ATP6V0D2: variants seen among roughly 807,000 people sequenced by gnomAD.
The protein encoded by ATP6V0D2 is ATPase H+ transporting V0 subunit d2.
ATP6V0D2 carries 40 observed loss-of-function variants against 40.0 expected under a neutral mutation model. That is an observed-to-expected ratio of 1.00 (90% CI 0.78 to 1.30). The LOEUF is 1.30. Ranked by LOEUF, ATP6V0D2 falls within the 50% of genes most tolerant of loss-of-function variation. The pLI is 0.00. For missense variants in ATP6V0D2, 470 were observed against 423.1 expected, an observed-to-expected ratio of 1.11 and a Z score of -0.97; for synonymous variants, 179 against 156.3, an observed-to-expected ratio of 1.15 and a Z score of -1.08.
intron 5 of ATP6V0D2, among the ~76,000 whole-genome samples, chr8:86,143,306 ACC>A (rs1819002742): frequency 6.6e-6 from 1 of 152,194 alleles, no homozygotes; most frequent in South Asian, 2.1e-4. Context: ...CCCAATCCAG[ACC>A]CCAAGAGAGG....
At chr8:86,142,532 C>A (rs1444618160) in intron 4 of ATP6V0D2, among the ~76,000 whole-genome samples, 1 of 152,150 alleles carries the variant, frequency 6.6e-6, no homozygotes, top group Non-Finnish European at 1.5e-5. Context: ...CAGCATAGGG[C>A]TAAATCTAAA....
At chr8:86,149,422 G>T (rs528254173) in intron 5 of ATP6V0D2, among the ~76,000 whole-genome samples, 5 of 152,124 alleles carry the variant, frequency 3.3e-5, no homozygotes, top group African/African-American at 4.8e-5. Flanking sequence ...GAGAAGACAG[G>T]CCGTGAGTAT....
intron 5 of ATP6V0D2, among the ~76,000 whole-genome samples, chr8:86,145,237 G>GAAAGAAAGAAAGAA (rs1563566137): frequency 8.3e-4 from 35 of 42,376 alleles, no homozygotes; most frequent in Non-Finnish European, 1.0e-3. Flanking sequence ...GAAAGAAAGA[G>GAAAGAAAGAAAGAA]AGAGAGAGAG....
intron 2 of ATP6V0D2, among the ~76,000 whole-genome samples, chr8:86,136,683 G>A (rs1345939089): frequency 6.6e-6 from 1 of 151,996 alleles, no homozygotes; most frequent in Admixed American, 6.6e-5. Flanking sequence ...AGAATTTTTG[G>A]GGTTAAGCTC....
chr8:86,147,828 G>A lies in ATP6V0D2; in HGVS notation c.640-2284G>A, dbSNP rs571249913. 1.4e-4 allele frequency among the ~76,000 whole-genome samples: 22 copies of A among 152,242 alleles called. No homozygotes were observed. The South Asian group carries it at 4.2e-3, about 29-fold the overall frequency. ...GAGTTATGGAACAGAGCACATGCAC[G>A]GTAGGCTAAGGGAAGAAGTGGTTAC... On this transcript the variant is annotated intron_variant, in intron 5 of 7. Coordinates refer to ENST00000285393, the MANE Select transcript of ATP6V0D2 (RefSeq NM_152565.1).
chr8:86,102,670 T>C (rs1052661066), intron 1 of ATP6V0D2, among the ~76,000 whole-genome samples: 1 of 152,220 alleles, frequency 6.6e-6, no homozygotes, highest in Admixed American at 6.5e-5. Context: ...TTCATAATTG[T>C]GCTTAATTGT....
intron 2 of ATP6V0D2, among the ~76,000 whole-genome samples, chr8:86,136,331 C>G (rs1324421944): frequency 2.0e-5 from 3 of 152,162 alleles, no homozygotes; most frequent in African/African-American, 7.2e-5. Context: ...ACCATTGACG[C>G]TGGTCGCCCG....
intron 5 of ATP6V0D2, among the ~76,000 whole-genome samples, chr8:86,148,583 T>C (rs769625600): frequency 2.0e-5 from 3 of 152,130 alleles, no homozygotes; most frequent in African/African-American, 4.8e-5. Context: ...TTGAGTAGGG[T>C]TGGACTGCGG....
At chr8:86,145,909 T>A (rs938063331) in intron 5 of ATP6V0D2, among the ~76,000 whole-genome samples, 2 of 152,228 alleles carry the variant, frequency 1.3e-5, no homozygotes, top group African/African-American at 4.8e-5. Flanking sequence ...TTTACATACA[T>A]GAATTCACTT....
At position 86,139,582 on chromosome 8, in the gene ATP6V0D2, T is replaced by C; in HGVS notation, c.428T>C (p.Ile143Thr). ...TTCACAGAAATGGAAGCTGTCAACA[T>C]TGCAGAGACACCTTCAGATCTCTTT... ...GRFTEMEAVN[I>T]AETPSDLFNA... Residue 143 changes from isoleucine to threonine, a missense_variant, in exon 3 of 8, where the codon ATT (isoleucine) becomes ACT (threonine). Physicochemically the swap from Ile to Thr is moderately conservative, Grantham distance 89. Transcript: ENST00000285393. 1 of 1,613,564 alleles carries C rather than the reference T, an allele frequency of 6.2e-7. No homozygotes were observed. The highest frequency in any genetic ancestry group is 8.5e-7 in the Non-Finnish European group (1 of 1,179,766).
At chr8:86,134,660 G>A (rs1818874192) in intron 2 of ATP6V0D2, among the ~76,000 whole-genome samples, 1 of 152,124 alleles carries the variant, frequency 6.6e-6, no homozygotes, top group African/African-American at 2.4e-5. Flanking sequence ...CTCAGCAACT[G>A]CACTTCAGGG....
intron 5 of ATP6V0D2, among the ~76,000 whole-genome samples, chr8:86,144,584 T>G (rs1379205502): frequency 5.9e-5 from 9 of 152,218 alleles, no homozygotes; most frequent in African/African-American, 2.2e-4. Context: ...TTTACTTGGT[T>G]GATGACTTCT....
At chr8:86,136,962 C>G (rs939430941) in intron 2 of ATP6V0D2, among the ~76,000 whole-genome samples, 7 of 152,282 alleles carry the variant, frequency 4.6e-5, no homozygotes, top group African/African-American at 1.7e-4. Context: ...TCCTCCCCCT[C>G]AGCACTTAAA....
intron 6 of ATP6V0D2, 118 bp from the exon 7 acceptor site, chr8:86,151,348 G>T: frequency 1.4e-6 from 1 of 734,714 alleles, no homozygotes; most frequent in Non-Finnish European, 2.1e-6. Flanking sequence ...AAAACATTCA[G>T]TCCTCCTGGT....
At chr8:86,130,259 C>T (rs1292939331) in intron 2 of ATP6V0D2, among the ~76,000 whole-genome samples, 1 of 152,084 alleles carries the variant, frequency 6.6e-6, no homozygotes, top group East Asian at 1.9e-4. Context: ...GCAAAAATCT[C>T]CTTTCTATCC....
chr8:86,099,449 GTA>G (rs1216012215), intron 1 of ATP6V0D2, among the ~76,000 whole-genome samples: 4 of 152,112 alleles, frequency 2.6e-5, no homozygotes, highest in African/African-American at 9.7e-5. Context: ...GAAATGTCAT[GTA>G]TGTTTTCTCT....
At chr8:86,107,708 C>G (rs1563555432) in intron 1 of ATP6V0D2, among the ~76,000 whole-genome samples, 1 of 152,044 alleles carries the variant, frequency 6.6e-6, no homozygotes, top group Non-Finnish European at 1.5e-5. Context: ...AAACTTGAGG[C>G]GGGGAGCACA....
In ATP6V0D2 at chr8:86,100,548, A is replaced by G. The variant is rs150261529; in HGVS notation, c.130+1440A>G. On this transcript the variant is annotated intron_variant, in intron 1 of 7. Transcript: ENST00000285393. ...TTCAGACAGAACCACCCAAGTTACG[A>G]CAAACCCTGCACTTCCATTAGCATT... 3.0e-3 allele frequency among the ~76,000 whole-genome samples: 452 copies of G among 152,320 alleles called. 9 individuals carry two copies. The South Asian group carries it at 0.041, about 14-fold the overall frequency.
At chr8:86,102,874 T>A (rs1319024296) in intron 1 of ATP6V0D2, among the ~76,000 whole-genome samples, 1 of 152,134 alleles carries the variant, frequency 6.6e-6, no homozygotes, top group Non-Finnish European at 1.5e-5. Context: ...AATTTTAGGG[T>A]CTTTAAAAGT....
Sources: allele counts gnomAD v4.1 joint callset (sites outside exome capture counted in the v4.1 genomes callset), GRCh38; gene constraint gnomAD v4.1.1; transcripts MANE v1.5; gene names NCBI Gene and HGNC (gene_info 2026-07-23, HGNC 2026-07-21).